The following GALNTL6 variants were observed in gnomAD, a reference collection of about 807,000 sequenced individuals.
GALNTL6 encodes polypeptide N-acetylgalactosaminyltransferase like 6.
A neutral mutation model predicts 73.7 loss-of-function variants in GALNTL6; 46 were observed. That is an observed-to-expected ratio of 0.62 (90% CI 0.49 to 0.80). The LOEUF is 0.80. GALNTL6 is among the 30% of genes least tolerant of loss of function. The pLI is 0.00. For synonymous variants in GALNTL6, 259 were observed against 263.7 expected (o/e 0.98, Z 0.17); for missense variants, 604 against 755.0 (o/e 0.80, Z 2.34).
intron 2 of GALNTL6, among the ~76,000 whole-genome samples, chr4:172,015,496 A>G (rs979788320): frequency 1.3e-5 from 2 of 152,058 alleles, no homozygotes; most frequent in African/African-American, 4.8e-5. Context: ...ATTTTTATCC[A>G]TTCTGCCATT....
chr4:171,925,755 A>G (rs1321852373), intron 2 of GALNTL6, among the ~76,000 whole-genome samples: 1 of 152,160 alleles, frequency 6.6e-6, no homozygotes, highest in Non-Finnish European at 1.5e-5. Flanking sequence ...TGAAAGAAGC[A>G]TTTGTTTTTC....
chr4:172,695,411 ATCTT>A (rs1277621914), intron 5 of GALNTL6, among the ~76,000 whole-genome samples: 1 of 152,204 alleles, frequency 6.6e-6, no homozygotes, highest in South Asian at 2.1e-4. Context: ...AACCATTTTA[ATCTT>A]TCTATCATAG....
intron 5 of GALNTL6, among the ~76,000 whole-genome samples, chr4:172,489,472 T>C (rs1036867788): frequency 6.6e-6 from 1 of 152,228 alleles, no homozygotes. Flanking sequence ...AACACATAGG[T>C]GATTGAAATG....
At chr4:172,779,716 A>G (rs1415994598) in intron 5 of GALNTL6, among the ~76,000 whole-genome samples, 1 of 152,218 alleles carries the variant, frequency 6.6e-6, no homozygotes, top group African/African-American at 2.4e-5. Context: ...CATCTGTAAA[A>G]AGCTAGAATT....
chr4:172,383,422 A>C (rs1448761547), intron 5 of GALNTL6, among the ~76,000 whole-genome samples: 1 of 152,166 alleles, frequency 6.6e-6, no homozygotes, highest in African/African-American at 2.4e-5. Context: ...TTACTAATGT[A>C]TAGACATCCA....
chr4:172,630,498 A>G (rs527740889), intron 5 of GALNTL6, among the ~76,000 whole-genome samples: 2 of 152,074 alleles, frequency 1.3e-5, no homozygotes, highest in Non-Finnish European at 2.9e-5. Flanking sequence ...TACCAATCAC[A>G]TTGCCACAGA....
intron 5 of GALNTL6, among the ~76,000 whole-genome samples, chr4:172,557,320 G>A (rs776885183): frequency 6.6e-5 from 10 of 152,108 alleles, no homozygotes; most frequent in Non-Finnish European, 1.0e-4. Context: ...AAACATAGGA[G>A]ACCTTGGGGC....
At chr4:171,960,582 G>C (rs547326452) in intron 2 of GALNTL6, among the ~76,000 whole-genome samples, 1 of 151,144 alleles carries the variant, frequency 6.6e-6, no homozygotes, top group African/African-American at 2.4e-5. Context: ...GCCCTGCCAG[G>C]ATAGCTTTTC....
intron 4 of GALNTL6, among the ~76,000 whole-genome samples, chr4:172,321,508 CT>C (rs1198275774): frequency 6.6e-6 from 1 of 152,044 alleles, no homozygotes; most frequent in African/African-American, 2.4e-5. Flanking sequence ...AGACTTCAAA[CT>C]AGCCATCATC....
rs564312439 is a variant in GALNTL6 at position 171,927,213 on chromosome 4, A to G, written c.138+112495A>G. 7.2e-5 allele frequency among the ~76,000 whole-genome samples: 11 copies of G among 152,280 alleles called. No individual in the cohort carries two copies. The East Asian group carries it at 1.9e-3, about 27-fold the overall frequency. ...TTGTTTTAAGAAATATACATTTATA[A>G]TAAGGTGTTTTAACTGATAAGATGC... On this transcript the variant is annotated intron_variant, in intron 2 of 12. Transcript: ENST00000506823.
chr4:172,289,820 C>G (rs1043264751), intron 3 of GALNTL6, among the ~76,000 whole-genome samples: 8 of 152,110 alleles, frequency 5.3e-5, no homozygotes, highest in Non-Finnish European at 1.0e-4. Context: ...AGCAACCCTC[C>G]TAGAAGAGAA....
At chr4:172,837,286 A>G (rs747005028) in intron 7 of GALNTL6, among the ~76,000 whole-genome samples, 2 of 152,320 alleles carry the variant, frequency 1.3e-5, no homozygotes, top group Non-Finnish European at 2.9e-5. Flanking sequence ...TATCACCTTC[A>G]TATTCCCATG....
chr4:172,383,052 C>G (rs993623204), intron 5 of GALNTL6, among the ~76,000 whole-genome samples: 12 of 152,088 alleles, frequency 7.9e-5, no homozygotes, highest in African/African-American at 2.9e-4. Flanking sequence ...ATCTCATTAT[C>G]AGGAAGTATT....
chr4:172,528,319 AATATATATAT>A (rs3083419), intron 5 of GALNTL6, among the ~76,000 whole-genome samples: 9,872 of 102,914 alleles, frequency 0.096, 534 homozygotes, highest in Non-Finnish European at 0.12. Flanking sequence ...CTAGAAATAA[AATATATATAT>A]ATATATATAT....
intron 2 of GALNTL6, among the ~76,000 whole-genome samples, chr4:172,107,806 C>T (rs963958762): frequency 6.9e-6 from 1 of 145,910 alleles, no homozygotes; most frequent in African/African-American, 2.6e-5. Flanking sequence ...TGCACATGTA[C>T]TCTAAAACTT....
intron 10 of GALNTL6, 98 bp from the exon 11 acceptor site, chr4:173,009,080 G>A: frequency 1.3e-6 from 1 of 786,318 alleles, no homozygotes. Context: ...TAACCAAAAA[G>A]ATAATCTATG....
intron 5 of GALNTL6, among the ~76,000 whole-genome samples, chr4:172,716,790 A>G (rs1465275103): frequency 6.6e-6 from 1 of 152,232 alleles, no homozygotes; most frequent in Non-Finnish European, 1.5e-5. Flanking sequence ...AGCCATCGCT[A>G]CTGGTTTAGT....
chr4:172,878,385 T>C (rs1745292324), intron 7 of GALNTL6, among the ~76,000 whole-genome samples: 1 of 151,938 alleles, frequency 6.6e-6, no homozygotes, highest in Admixed American at 6.6e-5. Context: ...ATTATTTAAA[T>C]CTTTTTAAAA....
At chr4:172,353,069 G>C (rs143604810) in intron 5 of GALNTL6, among the ~76,000 whole-genome samples, 1 of 152,092 alleles carries the variant, frequency 6.6e-6, no homozygotes, top group Admixed American at 6.6e-5. Flanking sequence ...AGATGAATCA[G>C]AATCTGCATT....
Sources: allele counts gnomAD v4.1 joint callset (sites outside exome capture counted in the v4.1 genomes callset), GRCh38; gene constraint gnomAD v4.1.1; transcripts MANE v1.5; gene names NCBI Gene and HGNC (gene_info 2026-07-23, HGNC 2026-07-21).